HS6ST3: variants seen among roughly 807,000 people sequenced by gnomAD.
HS6ST3 encodes heparan sulfate 6-O-sulfotransferase 3, also known as heparan-sulfate 6-O-sulfotransferase 3.
A neutral mutation model predicts 36.7 loss-of-function variants in HS6ST3; 12 were observed. That is an observed-to-expected ratio of 0.33 (90% CI 0.21 to 0.53). The LOEUF is 0.53. HS6ST3 is among the 20% of genes least tolerant of loss of function. The probability of loss-of-function intolerance (pLI) is 0.95; values close to 1 mark genes in which losing one functional copy is unlikely to be tolerated. For missense variants in HS6ST3, 584 were observed against 640.9 expected (o/e 0.91, Z 0.96); for synonymous variants, 240 against 257.5 (o/e 0.93, Z 0.65).
At chr13:96,514,119 G>A (rs139362508) in intron 1 of HS6ST3, among the ~76,000 whole-genome samples, 48 of 152,184 alleles carry the variant, frequency 3.2e-4, no homozygotes, top group African/African-American at 1.1e-3. Flanking sequence ...TCAAATGGTC[G>A]CTGTGGATGT....
At chr13:96,408,271 G>A (rs919552726) in intron 1 of HS6ST3, among the ~76,000 whole-genome samples, 1 of 152,004 alleles carries the variant, frequency 6.6e-6, no homozygotes, top group East Asian at 1.9e-4. Context: ...TGGAAAGTAT[G>A]ATCAATTCCC....
chr13:96,282,644 C>T (rs532692443), intron 1 of HS6ST3, among the ~76,000 whole-genome samples: 48 of 152,216 alleles, frequency 3.2e-4, no homozygotes, highest in Middle Eastern at 3.4e-3. Context: ...TTAGTTTCTT[C>T]TCCACCCTCT....
intron 1 of HS6ST3, among the ~76,000 whole-genome samples, chr13:96,195,059 C>A (rs1315866683): frequency 1.3e-5 from 2 of 152,054 alleles, no homozygotes; most frequent in Non-Finnish European, 2.9e-5. Context: ...GATATAAAAC[C>A]ATTACTCCTT....
At position 96,147,409 on chromosome 13, in the gene HS6ST3, ACC is replaced by A. The variant is rs769007236; in HGVS notation, c.707+55841_707+55842del. On this transcript the variant is annotated intron_variant, in intron 1 of 1. Transcript: ENST00000376705. ...TCGTAATGAAACTGAAGAGTCACTA[ACC>A]ATCATTCTGCAGCAGGTCCTGCAAT... is the stretch of plus-strand genomic sequence containing the variant. Among the ~76,000 whole-genome samples, 32 of 152,174 alleles carry A rather than the reference ACC, an allele frequency of 2.1e-4. 1 individual carries two copies. The highest frequency in any genetic ancestry group is 3.8e-4 in the Non-Finnish European group (26 of 68,038).
chr13:96,230,518 C>T (rs1004865906), intron 1 of HS6ST3, among the ~76,000 whole-genome samples: 1 of 152,042 alleles, frequency 6.6e-6, no homozygotes, highest in Non-Finnish European at 1.5e-5. Flanking sequence ...AGTTACTCAG[C>T]ATGAAATTGT....
At chr13:96,215,725 T>A (rs1425961812) in intron 1 of HS6ST3, among the ~76,000 whole-genome samples, 2 of 152,152 alleles carry the variant, frequency 1.3e-5, no homozygotes, top group African/African-American at 4.8e-5. Context: ...TAGAAAATAG[T>A]GCAAGGTAGA....
chr13:96,703,333 G>A (rs977145788), intron 1 of HS6ST3, among the ~76,000 whole-genome samples: 1 of 152,176 alleles, frequency 6.6e-6, no homozygotes, highest in African/African-American at 2.4e-5. Context: ...AGAATTTTTA[G>A]TGTTAACCTG....
At chr13:96,181,571 A>G (rs1337527954) in intron 1 of HS6ST3, among the ~76,000 whole-genome samples, 1 of 152,094 alleles carries the variant, frequency 6.6e-6, no homozygotes, top group Non-Finnish European at 1.5e-5. Flanking sequence ...GGAGTTGCAG[A>G]TGGTCTGCTT....
intron 1 of HS6ST3, among the ~76,000 whole-genome samples, chr13:96,330,323 G>A (rs1312103391): frequency 6.6e-6 from 1 of 151,902 alleles, no homozygotes; most frequent in Non-Finnish European, 1.5e-5. Flanking sequence ...GCCGGTACCG[G>A]TTGTTCCTTT....
In HS6ST3 at chr13:96,679,218, C is replaced by T. The variant is rs967179936; in HGVS notation, c.708-153272C>T. Among the ~76,000 whole-genome samples the T allele has an allele frequency of 2.3e-4, 35 of 151,226 alleles. No individual in the cohort carries two copies. In the Admixed American group the frequency reaches 2.3e-3, roughly 10 times the overall value. ...GGTTGGGTAGGGCCAATGCTTATCT[C>T]TGGGTTCGAAGCATCAGTAGCATTT... On this transcript the variant is annotated intron_variant, in intron 1 of 1. Transcript: ENST00000376705.
intron 1 of HS6ST3, among the ~76,000 whole-genome samples, chr13:96,632,652 T>C (rs1019108711): frequency 6.6e-6 from 1 of 152,216 alleles, no homozygotes; most frequent in African/African-American, 2.4e-5. Flanking sequence ...TCACTGGTTT[T>C]GACATTTAGC....
chr13:96,252,519 T>A (rs1225457686), intron 1 of HS6ST3, among the ~76,000 whole-genome samples: 7 of 152,278 alleles, frequency 4.6e-5, no homozygotes, highest in African/African-American at 1.2e-4. Context: ...GAACCTCCAA[T>A]TTATTTAGTC....
At chr13:96,443,538 A>G (rs1814906678) in intron 1 of HS6ST3, among the ~76,000 whole-genome samples, 3 of 151,708 alleles carry the variant, frequency 2.0e-5, no homozygotes, top group African/African-American at 7.2e-5. Flanking sequence ...TCAAAAAAAA[A>G]AAAAAAAAAA....
intron 1 of HS6ST3, among the ~76,000 whole-genome samples, chr13:96,220,471 T>C (rs2054449910): frequency 6.6e-6 from 1 of 152,212 alleles, no homozygotes; most frequent in African/African-American, 2.4e-5. Flanking sequence ...TTCCTTCTTC[T>C]GCCACCTAAA....
chr13:96,317,169 A>G (rs530024808), intron 1 of HS6ST3, among the ~76,000 whole-genome samples: 2 of 151,142 alleles, frequency 1.3e-5, no homozygotes, highest in South Asian at 2.1e-4. Context: ...GTTTATGTCC[A>G]TGTGTATTCA....
intron 1 of HS6ST3, among the ~76,000 whole-genome samples, chr13:96,626,831 G>A (rs766724929): frequency 1.3e-5 from 2 of 151,726 alleles, no homozygotes; most frequent in Non-Finnish European, 2.9e-5. Context: ...ATTCTACATA[G>A]TATTTTTTTT....
intron 1 of HS6ST3, among the ~76,000 whole-genome samples, chr13:96,261,981 A>G (rs1416251449): frequency 6.6e-6 from 1 of 152,204 alleles, no homozygotes; most frequent in Non-Finnish European, 1.5e-5. Context: ...TAGAGGTACA[A>G]TAAGAACCCT....
At chr13:96,781,099 T>A (rs1280750506) in intron 1 of HS6ST3, among the ~76,000 whole-genome samples, 1 of 152,204 alleles carries the variant, frequency 6.6e-6, no homozygotes, top group Admixed American at 6.5e-5. Context: ...AGACGCTCAT[T>A]CTTCCATCTC....
At chr13:96,704,729 G>C (rs1428937937) in intron 1 of HS6ST3, among the ~76,000 whole-genome samples, 1 of 152,064 alleles carries the variant, frequency 6.6e-6, no homozygotes, top group Non-Finnish European at 1.5e-5. Context: ...CCAGGTGGCA[G>C]GGAGACTGAC....
Sources: gnomAD v4.1 joint callset for allele counts (sites outside exome capture counted in the v4.1 genomes callset) on GRCh38, gnomAD v4.1.1 for gene constraint, MANE v1.5 for transcripts, NCBI Gene and HGNC (gene_info 2026-07-23, HGNC 2026-07-21) for gene names.